TMEM117: variants seen among roughly 807,000 people sequenced by gnomAD.
TMEM117 encodes transmembrane protein 117.
Under a neutral mutation model 52.4 loss-of-function variants are expected in TMEM117, and 27 were observed. That is an observed-to-expected ratio of 0.51 (90% CI 0.38 to 0.71). The LOEUF is 0.71. Ranked by LOEUF, TMEM117 falls within the 30% of genes least tolerant of loss-of-function variation. The pLI, the probability that TMEM117 is intolerant of heterozygous loss-of-function variation, is 0.00. For missense variants in TMEM117, 556 were observed against 630.5 expected, an observed-to-expected ratio of 0.88 and a Z score of 1.26; for synonymous variants, 215 against 206.3, an observed-to-expected ratio of 1.04 and a Z score of -0.36.
At chr12:43,887,901 C>G (rs139306497) in intron 2 of TMEM117, among the ~76,000 whole-genome samples, 1,791 of 152,228 alleles carry the variant, frequency 0.012, 96 homozygotes, top group Admixed American at 0.084. Context: ...TTGTTTGTTT[C>G]ATAGTGAGGA....
chr12:44,140,122 A>G (rs1403781204), intron 3 of TMEM117, among the ~76,000 whole-genome samples: 1 of 152,184 alleles, frequency 6.6e-6, no homozygotes, highest in East Asian at 1.9e-4. Context: ...TTGTTATAGC[A>G]TCTAGCACTT....
At chr12:43,882,071 C>A (rs1363001349) in intron 2 of TMEM117, among the ~76,000 whole-genome samples, 6 of 150,712 alleles carry the variant, frequency 4.0e-5, no homozygotes, top group Non-Finnish European at 7.4e-5. Context: ...GACTCCGTCT[C>A]AAAAAAAACA....
intron 4 of TMEM117, among the ~76,000 whole-genome samples, chr12:44,171,011 AT>A (rs1457029301): frequency 2.0e-5 from 3 of 147,452 alleles, no homozygotes; most frequent in Non-Finnish European, 3.0e-5. Flanking sequence ...ATTAACAAAT[AT>A]CTTTTTTTTT....
At chr12:43,914,451 A>T (rs1456458917) in intron 2 of TMEM117, among the ~76,000 whole-genome samples, 1 of 152,160 alleles carries the variant, frequency 6.6e-6, no homozygotes, top group African/African-American at 2.4e-5. Flanking sequence ...TTCATTTCAC[A>T]AATATTCGTG....
At position 43,982,592 on chromosome 12, in the gene TMEM117, G is replaced by C. The variant is rs567526256; in HGVS notation, c.410+38250G>C. On this transcript the variant is annotated intron_variant, in intron 3 of 7. Transcript: ENST00000266534. ...ATATACTTGACAAATTATTGAGATG[G>C]CATCTTAATATTTTCTGCTTAGCTC... 2.4e-3 allele frequency among the ~76,000 whole-genome samples: 358 copies of C among 151,950 alleles called. 3 individuals are homozygous for C. The highest frequency in any genetic ancestry group is 8.2e-3 in the African/African-American group (340 of 41,434).
At chr12:44,120,531 G>A (rs145693221) in intron 3 of TMEM117, among the ~76,000 whole-genome samples, 1,523 of 152,286 alleles carry the variant, frequency 0.01, 9 homozygotes, top group African/African-American at 0.016. Flanking sequence ...AGCCATGTAT[G>A]TAACCAGAGG....
intron 4 of TMEM117, among the ~76,000 whole-genome samples, chr12:44,178,476 G>T (rs114767338): frequency 3.6e-4 from 54 of 151,946 alleles, no homozygotes; most frequent in African/African-American, 1.3e-3. Flanking sequence ...CTGCAGGTTT[G>T]ATATGCAGAA....
At chr12:44,256,054 T>G (rs1256300134) in intron 5 of TMEM117, among the ~76,000 whole-genome samples, 2 of 151,946 alleles carry the variant, frequency 1.3e-5, no homozygotes, top group Non-Finnish European at 2.9e-5. Context: ...TAACTCATAT[T>G]ACTAAAAACA....
At chr12:44,304,798 G>T (rs1002521422) in intron 6 of TMEM117, among the ~76,000 whole-genome samples, 2 of 152,198 alleles carry the variant, frequency 1.3e-5, no homozygotes, top group African/African-American at 4.8e-5. Context: ...GGCCTTAAAT[G>T]AACATAAGGA....
chr12:44,079,422 G>A (rs892185375), intron 3 of TMEM117, among the ~76,000 whole-genome samples: 5 of 152,070 alleles, frequency 3.3e-5, no homozygotes, highest in Non-Finnish European at 7.4e-5. Flanking sequence ...GCATGAGATG[G>A]TATCTCATTG....
At chr12:44,321,261 T>C (rs775255839) in intron 6 of TMEM117, among the ~76,000 whole-genome samples, 3 of 152,104 alleles carry the variant, frequency 2.0e-5, no homozygotes, top group Non-Finnish European at 4.4e-5. Context: ...AGACCCAGAG[T>C]AGATTGTTTG....
rs146712525 is a variant in TMEM117 at position 44,227,373 on chromosome 12, C to G, written c.608+15986C>G. Among the ~76,000 whole-genome samples, 353 of 152,170 alleles carry G rather than the reference C, an allele frequency of 2.3e-3. 10 individuals are homozygous for G. The East Asian group carries it at 0.034, about 15-fold the overall frequency. ...CAACTACTTGGGAGGCTGAGGTGAG[C>G]AGATCACTTGAGCCTTGGAGGTTGA... is the stretch of plus-strand genomic sequence containing the variant. On this transcript the variant is annotated intron_variant, in intron 5 of 7. Coordinates refer to ENST00000266534, the MANE Select transcript of TMEM117 (RefSeq NM_032256.3).
intron 5 of TMEM117, among the ~76,000 whole-genome samples, chr12:44,265,192 G>A (rs1381642862): frequency 6.6e-6 from 1 of 152,152 alleles, no homozygotes; most frequent in Non-Finnish European, 1.5e-5. Context: ...AAAGGAAAGA[G>A]ACCAACTAAT....
chr12:43,885,414 CTTTTCT>C (rs1565734597), intron 2 of TMEM117, among the ~76,000 whole-genome samples: 1 of 136,938 alleles, frequency 7.3e-6, no homozygotes, highest in African/African-American at 2.6e-5. Flanking sequence ...TTTTTCTTTT[CTTTTCT>C]TTTTTTTTTT....
At chr12:44,166,396 T>C (rs1188391347) in intron 4 of TMEM117, among the ~76,000 whole-genome samples, 1 of 152,210 alleles carries the variant, frequency 6.6e-6, no homozygotes, top group Non-Finnish European at 1.5e-5. Flanking sequence ...TCTATAACAA[T>C]GAATTTTGTT....
At chr12:44,021,664 C>T (rs1283747334) in intron 3 of TMEM117, among the ~76,000 whole-genome samples, 2 of 152,314 alleles carry the variant, frequency 1.3e-5, no homozygotes, top group East Asian at 1.9e-4. Flanking sequence ...ACAGATAAGA[C>T]AAACTCCAGC....
Position 44,211,287 on chromosome 12 carries a change from C to T in TMEM117, c.511-3C>T. The T allele has an allele frequency of 6.2e-7, 1 of 1,602,354 alleles. No homozygotes were observed. Among genetic ancestry groups the T allele is most frequent in the Non-Finnish European group, 8.5e-7 (1 of 1,172,318 alleles). ...GCTGAATAAGTTCCTTTCATTGCTTCAGGTCACTGATATGATGCTTCAGGA... is the reference window on the plus strand; with the variant it reads ...GCTGAATAAGTTCCTTTCATTGCTTTAGGTCACTGATATGATGCTTCAGGA... On this transcript the variant is annotated splice_polypyrimidine_tract_variant and splice_region_variant and intron_variant, in intron 4 of 7. Coordinates refer to ENST00000266534, the MANE Select transcript of TMEM117 (RefSeq NM_032256.3).
intron 3 of TMEM117, among the ~76,000 whole-genome samples, chr12:44,078,492 G>A (rs752405798): frequency 6.6e-6 from 1 of 152,172 alleles, no homozygotes; most frequent in African/African-American, 2.4e-5. Context: ...TTACAGCCAC[G>A]AGTATACACT....
intron 5 of TMEM117, among the ~76,000 whole-genome samples, chr12:44,262,620 T>C (rs1188336138): frequency 3.3e-5 from 5 of 152,220 alleles, no homozygotes; most frequent in Non-Finnish European, 2.9e-5. Context: ...ATGATTTTCA[T>C]TGCATGAGGT....
Sources: allele counts gnomAD v4.1 joint callset (sites outside exome capture counted in the v4.1 genomes callset), GRCh38; gene constraint gnomAD v4.1.1; transcripts MANE v1.5; gene names NCBI Gene and HGNC (gene_info 2026-07-23, HGNC 2026-07-21).